ST6GAL1: variants seen among roughly 807,000 people sequenced by gnomAD.
The protein encoded by ST6GAL1 is beta-galactoside alpha-2,6-sialyltransferase 1.
Under a neutral mutation model 38.0 loss-of-function variants are expected in ST6GAL1, and 20 were observed. The ratio of observed to expected loss-of-function variants is 0.53; its 90% CI spans 0.37 to 0.77. The LOEUF (loss-of-function observed/expected upper bound fraction) is 0.77, where lower values mean the gene tolerates loss of function less well. ST6GAL1 is among the 30% of genes least tolerant of loss of function. The pLI is 0.00. For synonymous variants in ST6GAL1, 196 were observed against 188.2 expected (o/e 1.04, Z -0.34); for missense variants, 432 against 496.4 (o/e 0.87, Z 1.23).
chr3:187,039,480 G>A (rs1718053895), intron 3 of ST6GAL1, among the ~76,000 whole-genome samples: 1 of 152,190 alleles, frequency 6.6e-6, no homozygotes, highest in African/African-American at 2.4e-5. Flanking sequence ...GGCAGCAAAG[G>A]GGAGCAGGGA....
chr3:187,064,596 G>A (rs903008936), intron 5 of ST6GAL1: 2 of 456,586 alleles, frequency 4.4e-6, no homozygotes, highest in Admixed American at 2.3e-5. Flanking sequence ...CCTCAAGAGA[G>A]CCTTTCCTGC....
chr3:187,026,088 C>T (rs1191342228), intron 2 of ST6GAL1, among the ~76,000 whole-genome samples: 1 of 152,248 alleles, frequency 6.6e-6, no homozygotes, highest in Non-Finnish European at 1.5e-5. Context: ...CTCTCAGGCA[C>T]TGCGCGCCCC....
intron 2 of ST6GAL1, among the ~76,000 whole-genome samples, chr3:187,004,853 A>G (rs1343026829): frequency 2.0e-5 from 3 of 152,230 alleles, no homozygotes; most frequent in African/African-American, 7.2e-5. Context: ...AGAAGAAATC[A>G]TCTTTCTTTC....
chr3:186,965,749 G>A (rs1018843250), intron 2 of ST6GAL1, among the ~76,000 whole-genome samples: 1 of 152,150 alleles, frequency 6.6e-6, no homozygotes, highest in Non-Finnish European at 1.5e-5. Context: ...AACGTGGTGG[G>A]TGGTCTCCAG....
At chr3:187,073,767 C>G (rs1456777005) in intron 6 of ST6GAL1, 1 of 160,080 alleles carries the variant, frequency 6.2e-6, no homozygotes, top group African/African-American at 2.4e-5. Context: ...TCAAATTTGC[C>G]TAGGTCAGGA....
At chr3:187,054,563 G>T (rs1410074934) in intron 5 of ST6GAL1, among the ~76,000 whole-genome samples, 1 of 152,134 alleles carries the variant, frequency 6.6e-6, no homozygotes, top group Non-Finnish European at 1.5e-5. Flanking sequence ...TAATCATGTG[G>T]TTTTTGTCAT....
At chr3:187,007,064 T>TG (rs1716807344) in intron 2 of ST6GAL1, among the ~76,000 whole-genome samples, 1 of 152,146 alleles carries the variant, frequency 6.6e-6, no homozygotes, top group African/African-American at 2.4e-5. Flanking sequence ...CTGAATAGGA[T>TG]GCAAAAAACC....
At chr3:186,941,658 A>G (rs935705316) in intron 1 of ST6GAL1, among the ~76,000 whole-genome samples, 44 of 152,264 alleles carry the variant, frequency 2.9e-4, no homozygotes, top group African/African-American at 9.1e-4. Context: ...GGAGCTACCC[A>G]ACAATGGAAC....
At chr3:187,003,036 C>T (rs1185732574) in intron 2 of ST6GAL1, among the ~76,000 whole-genome samples, 2 of 152,312 alleles carry the variant, frequency 1.3e-5, no homozygotes, top group East Asian at 1.9e-4. Context: ...GGCCCAGGAG[C>T]AGCAATGGTG....
At chr3:187,043,992 T>A (rs968302767) in intron 4 of ST6GAL1, 1 of 152,242 alleles carries the variant, frequency 6.6e-6, no homozygotes, top group African/African-American at 2.4e-5. Context: ...TGCAAAACTG[T>A]CTGTGGATTA....
chr3:186,939,683 G>A (rs1714093917), intron 1 of ST6GAL1, among the ~76,000 whole-genome samples: 1 of 152,132 alleles, frequency 6.6e-6, no homozygotes, highest in Non-Finnish European at 1.5e-5. Context: ...TGCAGTTTAG[G>A]TCCCTGACTG....
In ST6GAL1 at chr3:187,075,638, G is replaced by A; in HGVS notation, c.1056G>A (p.Val352=). The A allele has an allele frequency of 6.2e-7, 1 of 1,614,194 alleles. No homozygotes were observed. Among genetic ancestry groups the A allele is most frequent in the Non-Finnish European group, 8.5e-7 (1 of 1,180,030 alleles). ...TCCCATCCAAGCGCAAGACTGACGT[G>A]TGCTACTACTACCAGAAGTTCTTCG... is the stretch of plus-strand genomic sequence containing the variant. ...EFLPSKRKTD[V]CYYYQKFFDS... Residue 352 remains valine (V), a synonymous_variant, in exon 8 of 8, where the codon GTG becomes GTA. Transcript: ENST00000169298. This position sits in a 1 kb window ranked among gnomAD's most constrained non-coding sequence, Gnocchi z 4.1.
At chr3:187,030,044 C>G (rs77890843) in intron 2 of ST6GAL1, among the ~76,000 whole-genome samples, 22,059 of 151,988 alleles carry the variant, frequency 0.15, 1,819 homozygotes, top group Middle Eastern at 0.22. Context: ...AGTGAGTGGC[C>G]GTGGTCACAA....
intron 5 of ST6GAL1, among the ~76,000 whole-genome samples, chr3:187,071,759 T>C (rs1719384121): frequency 7.0e-6 from 1 of 143,290 alleles, no homozygotes; most frequent in African/African-American, 2.7e-5. Context: ...GTGTCGCCTT[T>C]TTTTGAGACT....
At chr3:187,065,166 T>C (rs1719059564) in intron 5 of ST6GAL1, among the ~76,000 whole-genome samples, 1 of 152,036 alleles carries the variant, frequency 6.6e-6, no homozygotes, top group Admixed American at 6.5e-5. Flanking sequence ...GCCCAGCTAA[T>C]TTTTTGTATT....
intron 2 of ST6GAL1, among the ~76,000 whole-genome samples, chr3:187,037,221 G>C (rs1462010099): frequency 6.6e-6 from 1 of 152,152 alleles, no homozygotes; most frequent in Non-Finnish European, 1.5e-5. Flanking sequence ...GTCCAGCAAT[G>C]AGTATTATCA....
intron 1 of ST6GAL1, among the ~76,000 whole-genome samples, chr3:186,934,272 C>T (rs1353901333): frequency 2.0e-5 from 3 of 152,044 alleles, no homozygotes; most frequent in African/African-American, 7.3e-5. Context: ...TGTGGTGGCT[C>T]ACTCCAGTAA....
intron 2 of ST6GAL1, among the ~76,000 whole-genome samples, chr3:186,966,587 CTG>C (rs1433502009): frequency 2.0e-5 from 3 of 152,258 alleles, no homozygotes; most frequent in African/African-American, 7.2e-5. Flanking sequence ...CTCGGAAGCT[CTG>C]TGAACAGCTG....
At chr3:187,001,788 T>A (rs988304941) in intron 2 of ST6GAL1, among the ~76,000 whole-genome samples, 3 of 152,004 alleles carry the variant, frequency 2.0e-5, no homozygotes, top group African/African-American at 7.2e-5. Flanking sequence ...AAACCCCGTC[T>A]CTACTAAAAA....
Sources: gnomAD v4.1 joint callset for allele counts (sites outside exome capture counted in the v4.1 genomes callset) on GRCh38, gnomAD v4.1.1 for gene constraint, Gnocchi (gnomAD v3.1) non-coding constraint, MANE v1.5 for transcripts, NCBI Gene and HGNC (gene_info 2026-07-23, HGNC 2026-07-21) for gene names.